The following C10orf90 variants were observed in gnomAD, a reference collection of about 807,000 sequenced individuals.
The protein encoded by C10orf90 is chromosome 10 open reading frame 90, also known as (E2-independent) E3 ubiquitin-conjugating enzyme FATS.
A neutral mutation model predicts 62.5 loss-of-function variants in C10orf90; 56 were observed. The ratio of observed to expected loss-of-function variants is 0.90; its 90% CI spans 0.72 to 1.12. C10orf90 has a LOEUF of 1.12. C10orf90 is among the 50% of genes most tolerant of loss of function. The pLI, the probability that C10orf90 is intolerant of heterozygous loss-of-function variation, is 0.00. For missense variants in C10orf90, 970 were observed against 880.4 expected (o/e 1.10, Z -1.29); for synonymous variants, 386 against 340.4 (o/e 1.13, Z -1.47).
chr10:126,442,227 T>G (rs935711923), intron 7 of C10orf90, among the ~76,000 whole-genome samples: 1 of 151,388 alleles, frequency 6.6e-6, no homozygotes, highest in Non-Finnish European at 1.5e-5. Context: ...TTCATGCAAA[T>G]GGACACCAAA....
At chr10:126,473,163 C>T (rs1035888703) in intron 4 of C10orf90, among the ~76,000 whole-genome samples, 2 of 152,292 alleles carry the variant, frequency 1.3e-5, no homozygotes, top group African/African-American at 4.8e-5. Context: ...ACCACAGCTG[C>T]TTCAGCTCTG....
intron 1 of C10orf90, among the ~76,000 whole-genome samples, chr10:126,655,903 T>C (rs1846386905): frequency 6.6e-6 from 1 of 151,294 alleles, no homozygotes; most frequent in Non-Finnish European, 1.5e-5. Flanking sequence ...TTCCATGACA[T>C]GCATGCCCTG....
intron 1 of C10orf90, among the ~76,000 whole-genome samples, chr10:126,664,581 C>T (rs1432039203): frequency 6.6e-6 from 1 of 152,186 alleles, no homozygotes; most frequent in Non-Finnish European, 1.5e-5. Context: ...ACACCACCAC[C>T]TTTCATCTGC....
At position 126,499,239 on chromosome 10, in the gene C10orf90, C is replaced by A. The variant is rs753131205; in HGVS notation, c.1534+4718G>T. 4.9e-4 allele frequency among the ~76,000 whole-genome samples: 74 copies of A among 152,164 alleles called. 1 individual carries two copies. The highest frequency in any genetic ancestry group is 9.3e-4 in the Non-Finnish European group (63 of 68,042). ...GACAGAACAGTTAAGATGGTGGTGA[C>A]TCAATGGCAGGCCCCATCTCCACTG... On this transcript the variant is annotated intron_variant, in intron 4 of 9. Coordinates refer to ENST00000488181, the MANE Select transcript of C10orf90 (RefSeq NM_001350921.2).
chr10:126,450,154 T>C (rs1029529261), intron 7 of C10orf90, among the ~76,000 whole-genome samples: 2 of 152,076 alleles, frequency 1.3e-5, no homozygotes, highest in African/African-American at 2.4e-5. Flanking sequence ...CTAAAAGCTA[T>C]AGAACACTGA....
At chr10:126,499,104 A>G (rs1241019771) in intron 4 of C10orf90, among the ~76,000 whole-genome samples, 2 of 152,218 alleles carry the variant, frequency 1.3e-5, no homozygotes, top group East Asian at 3.9e-4. Context: ...TAGTGTAAAT[A>G]AAGTTTTATT....
Position 126,456,771 on chromosome 10 carries a change from G to T in C10orf90, c.2188+2269C>A, listed in dbSNP as rs1159497162. On this transcript the variant is annotated intron_variant, in intron 7 of 9. Coordinates refer to ENST00000488181, the MANE Select transcript of C10orf90 (RefSeq NM_001350921.2). The surrounding 1 kb of genome is among the most constrained non-coding windows in gnomAD (Gnocchi z 4.9). The stretch of plus-strand genomic sequence containing the variant: ...ACACAGACGCAGGGAGGATGGCCAT[G>T]TGGAGACAGAGGCAGAGACTGTAGT... Among the ~76,000 whole-genome samples the T allele has an allele frequency of 6.6e-6, 1 of 152,138 alleles. No individual in the cohort carries two copies. Among genetic ancestry groups the T allele is most frequent in the Non-Finnish European group, 1.5e-5 (1 of 68,036 alleles).
chr10:126,504,955 T>C lies in C10orf90; in HGVS notation c.536A>G (p.His179Arg), dbSNP rs754368196. 3.1e-6 allele frequency: 5 copies of C among 1,614,232 alleles called. No homozygotes were observed. The highest frequency in any genetic ancestry group is 4.2e-6 in the Non-Finnish European group (5 of 1,180,044). The change falls in exon 4 of 10, where the codon CAT becomes CGT. Residue 179 changes from histidine (H) to arginine (R), a missense_variant. Transcript: ENST00000488181. The surrounding 1 kb of genome is among the most constrained non-coding windows in gnomAD (Gnocchi z 4.1). ...GTTAGCCAGAGATTGCTTGGCGTGA[T>C]GTGCACGAGACTGAGCAATGGCACA... ...LPCAIAQSRA[H>R]HAKQSLANRS...
intron 7 of C10orf90, among the ~76,000 whole-genome samples, chr10:126,457,693 G>A (rs1859672968): frequency 6.6e-6 from 1 of 152,124 alleles, no homozygotes; most frequent in South Asian, 2.1e-4. Context: ...CACACAGCCT[G>A]GGCACCATCA....
At chr10:126,645,118 G>A (rs147581348) in intron 2 of C10orf90, among the ~76,000 whole-genome samples, 4,018 of 151,654 alleles carry the variant, frequency 0.026, 75 homozygotes, top group Non-Finnish European at 0.043. Flanking sequence ...TTGTGGGGTG[G>A]GAGGAGGGGG....
chr10:126,500,156 C>G (rs936473847), intron 4 of C10orf90, among the ~76,000 whole-genome samples: 1 of 152,120 alleles, frequency 6.6e-6, no homozygotes, highest in Non-Finnish European at 1.5e-5. Context: ...AATAGTCTAC[C>G]GGGGTAACTG....
At chr10:126,455,683 C>A (rs1859509782) in intron 7 of C10orf90, among the ~76,000 whole-genome samples, 2 of 152,206 alleles carry the variant, frequency 1.3e-5, no homozygotes, top group Non-Finnish European at 2.9e-5. Context: ...ATGAGATAGT[C>A]AAGACAGGTA....
intron 3 of C10orf90, among the ~76,000 whole-genome samples, chr10:126,508,257 G>C (rs1210209667): frequency 1.3e-5 from 2 of 151,698 alleles, no homozygotes; most frequent in Non-Finnish European, 2.9e-5. Context: ...CTCCTTCCTT[G>C]GGCCTAGGTT....
chr10:126,518,061 T>G (rs1390402979), intron 2 of C10orf90, among the ~76,000 whole-genome samples: 1 of 2,204 alleles, frequency 4.5e-4, no homozygotes, highest in Non-Finnish European at 6.7e-4. Flanking sequence ...CTCTTGTATG[T>G]TTTTTTTTTT....
At chr10:126,477,255 T>A (rs1860937866) in intron 4 of C10orf90, among the ~76,000 whole-genome samples, 1 of 147,986 alleles carries the variant, frequency 6.8e-6, no homozygotes, top group Admixed American at 6.7e-5. Context: ...GTGCACAATT[T>A]TTCCCCAGAC....
chr10:126,579,267 CT>C (rs1258453746), intron 2 of C10orf90, among the ~76,000 whole-genome samples: 2 of 130,286 alleles, frequency 1.5e-5, no homozygotes, highest in African/African-American at 5.8e-5. Context: ...TTCTTTCTTT[CT>C]TTCTTTCTTT....
rs114692978 is a variant in C10orf90 at position 126,592,969 on chromosome 10, G to A, written c.313+53596C>T. 3.1e-3 allele frequency among the ~76,000 whole-genome samples: 478 copies of A among 152,212 alleles called. 3 individuals carry two copies. Among genetic ancestry groups the A allele is most frequent in the African/African-American group, 0.011 (465 of 41,560 alleles). On this transcript the variant is annotated intron_variant, in intron 2 of 9. Coordinates refer to ENST00000488181, the MANE Select transcript of C10orf90 (RefSeq NM_001350921.2). The stretch of plus-strand genomic sequence containing the variant: ...ACTTCACTGATCATTAGAAATGCAC[G>A]TCAAGACCACAATAAGATACCATGT...
chr10:126,584,956 G>C (rs577094798), intron 2 of C10orf90, among the ~76,000 whole-genome samples: 4 of 151,912 alleles, frequency 2.6e-5, no homozygotes, highest in African/African-American at 7.2e-5. Context: ...CCCCCACTAG[G>C]TTGGCAAATG....
intron 1 of C10orf90, among the ~76,000 whole-genome samples, chr10:126,657,321 T>A (rs1188424357): frequency 6.6e-6 from 1 of 152,220 alleles, no homozygotes; most frequent in African/African-American, 2.4e-5. Context: ...CCATTCCTCC[T>A]CCTCCCAGCC....
Sources: gnomAD v4.1 joint callset for allele counts (sites outside exome capture counted in the v4.1 genomes callset) on GRCh38, gnomAD v4.1.1 for gene constraint, Gnocchi (gnomAD v3.1) non-coding constraint, MANE v1.5 for transcripts, NCBI Gene and HGNC (gene_info 2026-07-23, HGNC 2026-07-21) for gene names.